VPS13B: variants seen among roughly 807,000 people sequenced by gnomAD.
The protein encoded by VPS13B is vacuolar protein sorting 13 homolog B.
VPS13B carries 285 observed loss-of-function variants against 426.4 expected under a neutral mutation model. The observed-to-expected ratio is 0.67, with a 90% CI of 0.61 to 0.74. The LOEUF (loss-of-function observed/expected upper bound fraction) is 0.74. Among genes scored for constraint, VPS13B ranks in the 30% least tolerant of loss-of-function variants. The pLI is 0.00. For synonymous variants in VPS13B, 1,676 were observed against 1,676.4 expected, an observed-to-expected ratio of 1.00 and a Z score of 0.01; for missense variants, 4,537 against 4,782.6, an observed-to-expected ratio of 0.95 and a Z score of 1.51.
intron 21 of VPS13B, among the ~76,000 whole-genome samples, chr8:99,430,375 G>C (rs915672109): frequency 4.6e-5 from 7 of 151,746 alleles, no homozygotes; most frequent in African/African-American, 1.7e-4. Flanking sequence ...AATTTATTTA[G>C]GTCTGATTTA....
At chr8:99,282,019 C>G (rs1263644588) in intron 19 of VPS13B, among the ~76,000 whole-genome samples, 1 of 152,064 alleles carries the variant, frequency 6.6e-6, no homozygotes, top group African/African-American at 2.4e-5. Context: ...TGGTGCCTAA[C>G]ACATTCAAAA....
At chr8:99,870,717 CA>C in intron 59 of VPS13B, 67 bp from the exon 60 acceptor site, 3 of 1,424,436 alleles carry the variant, frequency 2.1e-6, no homozygotes, top group South Asian at 2.3e-5. Context: ...GAACAGATGA[CA>C]TCATTGCAGC....
chr8:99,364,130 A>G (rs914022546), intron 19 of VPS13B, among the ~76,000 whole-genome samples: 2 of 152,168 alleles, frequency 1.3e-5, no homozygotes, highest in Non-Finnish European at 2.9e-5. Flanking sequence ...ATGTTGAGGT[A>G]TGTTCCTTCT....
At chr8:99,146,552 T>A (rs139611866) in intron 13 of VPS13B, among the ~76,000 whole-genome samples, 3 of 152,336 alleles carry the variant, frequency 2.0e-5, no homozygotes, top group African/African-American at 7.2e-5. Flanking sequence ...ATATCTCTAA[T>A]GGAATATTGG....
At chr8:99,321,389 G>T (rs1190653767) in intron 19 of VPS13B, among the ~76,000 whole-genome samples, 1 of 151,498 alleles carries the variant, frequency 6.6e-6, no homozygotes, top group Non-Finnish European at 1.5e-5. Context: ...TTGTATTTTT[G>T]TAGAGACGGG....
chr8:99,328,603 T>C (rs3110397), intron 19 of VPS13B, among the ~76,000 whole-genome samples: 111,690 of 151,964 alleles, frequency 0.73, 41,783 homozygotes, highest in South Asian at 0.87. Flanking sequence ...ATAAGATAAC[T>C]TTTAACAAGT....
intron 3 of VPS13B, among the ~76,000 whole-genome samples, chr8:99,055,233 T>C (rs746124593): frequency 6.6e-6 from 1 of 152,130 alleles, no homozygotes; most frequent in Non-Finnish European, 1.5e-5. Flanking sequence ...GAGACAAGGT[T>C]GTGCCATGTC....
intron 3 of VPS13B, among the ~76,000 whole-genome samples, chr8:99,050,750 A>T (rs1843497523): frequency 6.6e-6 from 1 of 152,174 alleles, no homozygotes; most frequent in South Asian, 2.1e-4. Flanking sequence ...ATGGTATCTC[A>T]CTGTGGTTTT....
chr8:99,750,795 A>G (rs1039946463), intron 39 of VPS13B, among the ~76,000 whole-genome samples: 1 of 152,128 alleles, frequency 6.6e-6, no homozygotes, highest in Admixed American at 6.6e-5. Context: ...GTGTTTTGGG[A>G]ATTCAGAAAT....
At chr8:99,599,415 C>G (rs1026433519) in intron 33 of VPS13B, among the ~76,000 whole-genome samples, 3 of 152,048 alleles carry the variant, frequency 2.0e-5, no homozygotes, top group African/African-American at 7.2e-5. Context: ...TTGTGACACA[C>G]AAAAATATTT....
At chr8:99,265,938 C>T (rs761020770) in intron 17 of VPS13B, among the ~76,000 whole-genome samples, 41 of 152,160 alleles carry the variant, frequency 2.7e-4, no homozygotes, top group Non-Finnish European at 4.7e-4. Context: ...TTTTTATTTT[C>T]GTTTCTTTGT....
chr8:99,377,455 G>A (rs1563696126), intron 19 of VPS13B, among the ~76,000 whole-genome samples: 5 of 152,078 alleles, frequency 3.3e-5, no homozygotes, highest in South Asian at 2.1e-4. Context: ...TGCATCTAAT[G>A]TGCTTTTTAA....
At chr8:99,368,415 A>T (rs1028655723) in intron 19 of VPS13B, among the ~76,000 whole-genome samples, 1 of 152,098 alleles carries the variant, frequency 6.6e-6, no homozygotes, top group Non-Finnish European at 1.5e-5. Flanking sequence ...AAATGTCCCT[A>T]ATTTCCCAAA....
intron 17 of VPS13B, chr8:99,233,094 C>G: frequency 7.3e-7 from 1 of 1,378,180 alleles, no homozygotes; most frequent in Non-Finnish European, 1.0e-6. Context: ...ATTTCTACTC[C>G]TGCTGCTTCA....
At chr8:99,172,429 C>G (rs1812391834) in intron 16 of VPS13B, among the ~76,000 whole-genome samples, 2 of 152,016 alleles carry the variant, frequency 1.3e-5, no homozygotes, top group Admixed American at 1.3e-4. Flanking sequence ...CATGACGGTC[C>G]TGTGAGATAA....
intron 31 of VPS13B, among the ~76,000 whole-genome samples, chr8:99,572,010 A>G (rs548813884): frequency 6.6e-6 from 1 of 152,290 alleles, no homozygotes; most frequent in South Asian, 2.1e-4. Flanking sequence ...AATGGTGTAG[A>G]AAGACTTGAA....
chr8:99,554,898 A>T (rs1302715346), intron 30 of VPS13B, among the ~76,000 whole-genome samples: 1 of 152,072 alleles, frequency 6.6e-6, no homozygotes, highest in African/African-American at 2.4e-5. Flanking sequence ...CCTATTTCTC[A>T]TGCAGTTCTT....
intron 3 of VPS13B, among the ~76,000 whole-genome samples, chr8:99,049,626 T>C (rs1184974544): frequency 2.0e-5 from 3 of 152,102 alleles, no homozygotes; most frequent in Non-Finnish European, 4.4e-5. Flanking sequence ...TAACTGTAGA[T>C]AACCTGATGA....
At position 99,717,208 on chromosome 8, in the gene VPS13B, C is replaced by T. The variant is rs773555887; in HGVS notation, c.6492C>T (p.Asn2164=). ...GGTCATCATTTCTACTCAGTATAAACGATTTTCTCCTTAAAACAAGTCTCA... is the reference window on the plus strand; with the variant it reads ...GGTCATCATTTCTACTCAGTATAAATGATTTTCTCCTTAAAACAAGTCTCA... ...ILGSSFLLSI[N]DFLLKTSLKE... is the part of the protein sequence containing the mutation. The change falls in exon 37 of 62, where the codon AAC becomes AAT. Residue 2164 remains asparagine (N), a synonymous_variant. Transcript: ENST00000357162. 1.9e-5 allele frequency: 30 copies of T among 1,613,172 alleles called. No individual in the cohort carries two copies. Among genetic ancestry groups the T allele is most frequent in the Non-Finnish European group, 2.4e-5 (28 of 1,179,670 alleles).
Sources: gnomAD v4.1 joint callset for allele counts (sites outside exome capture counted in the v4.1 genomes callset) on GRCh38, gnomAD v4.1.1 for gene constraint, MANE v1.5 for transcripts, NCBI Gene and HGNC (gene_info 2026-07-23, HGNC 2026-07-21) for gene names.